Variants in MIER2 observed in about 807,000 individuals in gnomAD.
MIER2 encodes the protein mesoderm induction early response protein 2.
MIER2 carries 30 observed loss-of-function variants against 67.6 expected under a neutral mutation model. The observed-to-expected ratio is 0.44, with a 90% confidence interval of 0.33 to 0.60. MIER2 has a LOEUF of 0.60. Among genes scored for constraint, MIER2 ranks in the 20% least tolerant of loss-of-function variants. MIER2 has a pLI of 0.02. For missense variants in MIER2, 702 were observed against 745.1 expected, an observed-to-expected ratio of 0.94 and a Z score of 0.67; for synonymous variants, 372 against 312.6, an observed-to-expected ratio of 1.19 and a Z score of -2.00.
chr19:343,583 G>A (rs1478495525), intron 1 of MIER2, among the ~76,000 whole-genome samples: 1 of 152,160 alleles, frequency 6.6e-6, no homozygotes, highest in Non-Finnish European at 1.5e-5. Flanking sequence ...CTCCCACAAC[G>A]CCCAAGACAT....
chr19:326,348 G>A (rs1266751101), intron 6 of MIER2, among the ~76,000 whole-genome samples, 159 bp downstream of exon 6: 5 of 149,612 alleles, frequency 3.3e-5, no homozygotes, highest in Admixed American at 1.3e-4. Context: ...TTGGGGACAC[G>A]GCAGAGCCAC....
chr19:320,132 T>TG (rs977537551), intron 7 of MIER2, among the ~76,000 whole-genome samples: 1 of 151,878 alleles, frequency 6.6e-6, no homozygotes, highest in Admixed American at 6.6e-5. Flanking sequence ...CCCGGCACTC[T>TG]GGGGGGCTGA....
At chr19:336,002 G>A in intron 2 of MIER2, 81 bp downstream of exon 2, 1 of 1,386,548 alleles carries the variant, frequency 7.2e-7, no homozygotes, top group Admixed American at 1.7e-5. Context: ...CCACAGCTCA[G>A]CCAGGCCCAG....
intron 10 of MIER2, among the ~76,000 whole-genome samples, chr19:310,733 G>GTAGAAACACGGCCCGGAGCTA (rs1568216858): frequency 8.6e-6 from 1 of 115,836 alleles, no homozygotes; most frequent in East Asian, 2.3e-4. Context: ...GCCCGGAGCT[G>GTAGAAACACGGCCCGGAGCTA]TAGAAACACA....
intron 3 of MIER2, 41 bp downstream of exon 3, chr19:334,359 G>A: frequency 6.2e-7 from 1 of 1,612,188 alleles, no homozygotes; most frequent in South Asian, 1.1e-5. Flanking sequence ...ACCCCGGAGG[G>A]CTCCACCCAA....
At position 338,682 on chromosome 19, in the gene MIER2, A is replaced by T. The variant is rs182550930; in HGVS notation, c.10-2509T>A. Among the ~76,000 whole-genome samples the T allele has an allele frequency of 6.2e-4, 95 of 152,252 alleles. 1 individual carries two copies. The highest frequency in any genetic ancestry group is 1.2e-3 in the Non-Finnish European group (82 of 68,050). The stretch of plus-strand genomic sequence containing the variant: ...ACCACAGAGCCACAGCAATCAAAAC[A>T]GTGTGGTACTGCCATAAGGACAGCA... On this transcript the variant is annotated intron_variant, in intron 1 of 13. Coordinates refer to ENST00000264819, the MANE Select transcript of MIER2 (RefSeq NM_017550.3).
At chr19:322,306 C>G (rs943109713) in intron 7 of MIER2, among the ~76,000 whole-genome samples, 1 of 152,056 alleles carries the variant, frequency 6.6e-6, no homozygotes, top group African/African-American at 2.4e-5. Flanking sequence ...TCTCCAAGAG[C>G]CTGAGGTAAG....
At chr19:327,399 CGTGGGGGGAGCGGGG>C (rs1255629784) in intron 4 of MIER2, 143 bp from the exon 5 acceptor site, 8 of 1,112,160 alleles carry the variant, frequency 7.2e-6, no homozygotes, top group Non-Finnish European at 8.9e-6. Flanking sequence ...GGGTGCACAG[CGTGGGGGGAGCGGGG>C]ATGGGAAGGA....
At chr19:309,980 G>A (rs1414040286) in intron 10 of MIER2, among the ~76,000 whole-genome samples, 116 of 124,512 alleles carry the variant, frequency 9.3e-4, no homozygotes, top group African/African-American at 3.7e-3. Flanking sequence ...AAGGCTTCAG[G>A]GAGACGAGAA....
At position 325,689 on chromosome 19, in the gene MIER2, GT is replaced by G. The variant is rs768108596; in HGVS notation, c.600del (p.Pro201LeufsTer12). 6.2e-7 allele frequency: 1 copy of G among 1,614,204 alleles called. No homozygotes were observed. On this transcript the variant is annotated frameshift_variant, in exon 7 of 14. Coordinates refer to ENST00000264819, the MANE Select transcript of MIER2 (RefSeq NM_017550.3). LOFTEE classifies it high-confidence loss of function. ...ANKCKKEIMV[G>X]PQFQADLSNL... ...TTGCTGAGGTCAGCTTGGAACTGAGGTCCCACCATGATCTCCTGCAAAGCAA... is the reference window on the plus strand; with the variant it reads ...TTGCTGAGGTCAGCTTGGAACTGAGGCCCACCATGATCTCCTGCAAAGCAA...
chr19:310,998 C>CTG (rs1486591306), intron 10 of MIER2, among the ~76,000 whole-genome samples: 18 of 152,266 alleles, frequency 1.2e-4, no homozygotes, highest in Admixed American at 1.1e-3. Context: ...TCCATCGCTG[C>CTG]TGCGCACGGC....
At chr19:319,000 T>C (rs923260070) in intron 7 of MIER2, among the ~76,000 whole-genome samples, 2 of 144,012 alleles carry the variant, frequency 1.4e-5, no homozygotes, top group Non-Finnish European at 3.0e-5. Context: ...GAGCTTGCAG[T>C]GAACAGAGTT....
Position 313,754 on chromosome 19 carries a change from G to A in MIER2, c.656-111C>T, listed in dbSNP as rs1020893814. The A allele has an allele frequency of 3.3e-4, 467 of 1,432,212 alleles. 2 individuals carry two copies. The highest frequency in any genetic ancestry group is 2.1e-4 in the Middle Eastern group (1 of 4,814). 88.7% of individuals were successfully genotyped at this position (1,432,212 alleles called of 1,614,324 possible). On this transcript the variant is annotated intron_variant, in intron 7 of 13. Transcript: ENST00000264819. ...CCCTGACAGGGAGGAGGCACTGTCC[G>A]TCCTCCCTTTCCCAAGCCCTGGGCC...
intron 1 of MIER2, chr19:344,049 C>T (rs1280806307): frequency 1.0e-6 from 1 of 985,342 alleles, no homozygotes; most frequent in African/African-American, 1.7e-5. Flanking sequence ...CAAAATATAG[C>T]TGGTCCCAAA....
At chr19:307,567 C>A (rs970403015) in intron 12 of MIER2, 31 bp from the exon 13 acceptor site, 6 of 1,482,488 alleles carry the variant, frequency 4.0e-6, no homozygotes, top group Middle Eastern at 1.8e-4. Context: ...GAGGGTGGGG[C>A]CTGCCCACAG....
chr19:327,372 T>C, intron 4 of MIER2, 116 bp from the exon 5 acceptor site: 1 of 1,298,938 alleles, frequency 7.7e-7, no homozygotes, highest in Non-Finnish European at 1.1e-6. Flanking sequence ...ATGGGGCTGC[T>C]ATTCCCATTC....
chr19:308,742 C>T lies in MIER2; in HGVS notation c.1109+59G>A, dbSNP rs2289870. Reference sequence around the variant, plus strand: ...CCAAGAGGTGCCGCCCAGGCGCCCACGTGCCCACCCCCGGCGGGGTGGCCG... The same window carrying T: ...CCAAGAGGTGCCGCCCAGGCGCCCATGTGCCCACCCCCGGCGGGGTGGCCG... On this transcript the variant is annotated intron_variant, in intron 11 of 13. Coordinates refer to ENST00000264819, the MANE Select transcript of MIER2 (RefSeq NM_017550.3). This position sits in a 1 kb window ranked among gnomAD's most constrained non-coding sequence, Gnocchi z 9.1. 6.3e-3 allele frequency: 10,028 copies of T among 1,593,098 alleles called. 569 individuals are homozygous for T. The Admixed American group carries it at 0.13, about 20-fold the overall frequency.
At position 307,319 on chromosome 19, in the gene MIER2, C is replaced by T. The variant is rs1274698884; in HGVS notation, c.1416G>A (p.Val472=). ...PEPDASPRLA[V]DFALPKELPL... Reference sequence around the variant, plus strand: ...GCAGCTCCTTGGGCAGGGCGAAGTCCACGGCCAGCCTTGGGCTGGCGTCTG... The same window carrying T: ...GCAGCTCCTTGGGCAGGGCGAAGTCTACGGCCAGCCTTGGGCTGGCGTCTG... The change falls in exon 13 of 14, where the codon GTG becomes GTA. Residue 472 remains valine, a synonymous_variant. Transcript: ENST00000264819. 2 of 1,601,376 alleles carry T rather than the reference C, an allele frequency of 1.2e-6. No individual in the cohort carries two copies. The highest frequency in any genetic ancestry group is 1.7e-6 in the Non-Finnish European group (2 of 1,174,758).
intron 7 of MIER2, among the ~76,000 whole-genome samples, chr19:316,157 G>C (rs1453761795): frequency 2.0e-5 from 3 of 152,174 alleles, no homozygotes. Flanking sequence ...CTGAAAGAAA[G>C]CACAAGGCCT....
Sources: allele counts gnomAD v4.1 joint callset (sites outside exome capture counted in the v4.1 genomes callset), GRCh38; gene constraint gnomAD v4.1.1; non-coding constraint Gnocchi (gnomAD v3.1); transcripts MANE v1.5; gene names NCBI Gene and HGNC (gene_info 2026-07-23, HGNC 2026-07-21).